YTHDC1: variants seen among roughly 807,000 people sequenced by gnomAD.
YTHDC1 encodes the protein YTH domain-containing protein 1.
A neutral mutation model predicts 107.0 loss-of-function variants in YTHDC1; 12 were observed. The observed-to-expected ratio is 0.11, with a 90% CI of 0.07 to 0.18. The LOEUF (loss-of-function observed/expected upper bound fraction) is 0.18. Ranked by LOEUF, YTHDC1 falls within the 10% of genes least tolerant of loss-of-function variation. YTHDC1 has a pLI of 1.00. For synonymous variants in YTHDC1, 280 were observed against 289.5 expected (o/e 0.97, Z 0.33); for missense variants, 635 against 898.8 (o/e 0.71, Z 3.75).
chr4:68,322,940 T>C lies in YTHDC1; in HGVS notation c.1435-25A>G. ...CCTAGAATAGGAAAGTAGCAATTTA[T>C]AAAACAAAAACAGACCCTTTCAACA... On this transcript the variant is annotated intron_variant, in intron 10 of 16. Transcript: ENST00000344157. This position sits in a 1 kb window ranked among gnomAD's most constrained non-coding sequence, Gnocchi z 4.8. The C allele has an allele frequency of 6.2e-7, 1 of 1,607,718 alleles. No individual in the cohort carries two copies. Among genetic ancestry groups the C allele is most frequent in the Non-Finnish European group, 8.5e-7 (1 of 1,175,712 alleles).
At chr4:68,333,642 G>A (rs567758245) in intron 4 of YTHDC1, among the ~76,000 whole-genome samples, 1 of 152,198 alleles carries the variant, frequency 6.6e-6, no homozygotes, top group Non-Finnish European at 1.5e-5. Context: ...TACAAAGTCA[G>A]GGCCTTAATT....
chr4:68,337,568 C>G lies in YTHDC1; in HGVS notation c.459+4G>C. ...TGTTTTATATCTGCAATAATATTTA[C>G]TACCTCAGAACCATCTGGCGTAGGA... On this transcript the variant is annotated splice_donor_region_variant and intron_variant, in intron 3 of 16. Coordinates refer to ENST00000344157, the MANE Select transcript of YTHDC1 (RefSeq NM_001031732.4). 6.3e-7 allele frequency: 1 copy of G among 1,593,202 alleles called. No homozygotes were observed. The highest frequency in any genetic ancestry group is 8.5e-7 in the Non-Finnish European group (1 of 1,173,974).
chr4:68,347,284 T>G (rs1475850524), intron 1 of YTHDC1, among the ~76,000 whole-genome samples: 3 of 152,238 alleles, frequency 2.0e-5, no homozygotes, highest in African/African-American at 7.2e-5. Flanking sequence ...TTAATACAAT[T>G]TATACAAGGT....
intron 1 of YTHDC1, among the ~76,000 whole-genome samples, chr4:68,345,190 A>G (rs1341510387): frequency 1.3e-5 from 2 of 152,282 alleles, no homozygotes; most frequent in East Asian, 3.9e-4. Context: ...ATTCTTGGCC[A>G]GGAAGGTCAC....
intron 4 of YTHDC1, among the ~76,000 whole-genome samples, chr4:68,336,252 T>C (rs947702475): frequency 2.0e-4 from 30 of 152,166 alleles, no homozygotes; most frequent in African/African-American, 7.0e-4. Flanking sequence ...CATCTTTACA[T>C]AAGACAGTCA....
At chr4:68,347,136 G>A (rs565554265) in intron 1 of YTHDC1, among the ~76,000 whole-genome samples, 13 of 152,068 alleles carry the variant, frequency 8.5e-5, no homozygotes, top group Non-Finnish European at 1.9e-4. Context: ...GATGTACTCC[G>A]GGCACTCAGG....
chr4:68,318,163 T>C (rs1443520829), intron 15 of YTHDC1, among the ~76,000 whole-genome samples: 1 of 152,208 alleles, frequency 6.6e-6, no homozygotes, highest in Admixed American at 6.5e-5. Flanking sequence ...AGTGGCGCAA[T>C]CTCGGCTCAC....
chr4:68,322,577 G>T lies in YTHDC1; in HGVS notation c.1601+172C>A, dbSNP rs1722551570. On this transcript the variant is annotated intron_variant, in intron 11 of 16. Transcript: ENST00000344157. This position sits in a 1 kb window ranked among gnomAD's most constrained non-coding sequence, Gnocchi z 4.8. ...CATTTTCCTCTTGAAAAATGACTGA[G>T]ACCAAGGTGACCATGTGAAATCCTC... 2.7e-6 allele frequency: 2 copies of T among 740,444 alleles called. No homozygotes were observed. The highest frequency in any genetic ancestry group is 4.2e-6 in the Non-Finnish European group (2 of 479,904). 45.9% of individuals were successfully genotyped at this position (740,444 alleles called of 1,614,324 possible). A position where few individuals can be genotyped will look rare whatever the true frequency, so the allele number is the denominator to read the frequency against.
In YTHDC1 at chr4:68,318,536, G is replaced by T. The variant is rs781715883; in HGVS notation, c.1807C>A (p.Pro603Thr). ...VREFHNMGPP[P>T]PWQGMPPYPG... ...ATACAAACCATTCCTTGCCAAGGTG[G>T]TGGTGGTCCCATGTTATGAAATTCC... Residue 603 changes from proline to threonine, a missense_variant, in exon 15 of 17, where the codon CCA becomes ACA. Transcript: ENST00000344157. 6.2e-7 allele frequency: 1 copy of T among 1,612,520 alleles called. No individual in the cohort carries two copies. Among genetic ancestry groups the T allele is most frequent in the Middle Eastern group, 1.7e-4 (1 of 5,868 alleles).
intron 1 of YTHDC1, among the ~76,000 whole-genome samples, chr4:68,343,192 A>G (rs1434343105): frequency 6.6e-6 from 1 of 151,786 alleles, no homozygotes; most frequent in Non-Finnish European, 1.5e-5. Context: ...ATTAAAAATC[A>G]CTTTTTTTTT....
In YTHDC1 at chr4:68,343,543, A is replaced by AT. The variant is rs1553907386; in HGVS notation, c.29-5160dup. ...AATCTTTAAAAAAAAAAAAAAAAAA[A>AT]TTTTTTTTTTTTTTGAGACAGTCTC... On this transcript the variant is annotated intron_variant, in intron 1 of 16. Coordinates refer to ENST00000344157, the MANE Select transcript of YTHDC1 (RefSeq NM_001031732.4). Among the ~76,000 whole-genome samples, 744 of 107,312 alleles carry AT rather than the reference A, an allele frequency of 6.9e-3. 12 individuals are homozygous for AT. Among genetic ancestry groups the AT allele is most frequent in the African/African-American group, 0.015 (397 of 25,718 alleles). The allele number at this position is 107,312 out of a possible 152,430, so 70.4% of individuals were successfully genotyped here. A position where few individuals can be genotyped will look rare whatever the true frequency, so the allele number is the denominator to read the frequency against.
intron 10 of YTHDC1, among the ~76,000 whole-genome samples, chr4:68,323,300 C>T (rs1303697478): frequency 1.3e-5 from 2 of 152,166 alleles, no homozygotes; most frequent in African/African-American, 4.8e-5. Flanking sequence ...TTATGATCTA[C>T]TAAGTGTATT....
intron 4 of YTHDC1, among the ~76,000 whole-genome samples, chr4:68,336,472 TTA>T (rs1156514580): frequency 1.3e-5 from 2 of 152,170 alleles, no homozygotes; most frequent in Non-Finnish European, 2.9e-5. Flanking sequence ...AGAATTTTAT[TTA>T]TAGTCTTCAT....
At position 68,337,865 on chromosome 4, in the gene YTHDC1, C is replaced by T. The variant is rs1021974425; in HGVS notation, c.166G>A (p.Asp56Asn). The change falls in exon 3 of 17, where the codon GAT (aspartate) becomes AAT (asparagine). Residue 56 changes from aspartate (D) to asparagine (N), a missense_variant. Physicochemically the swap from Asp to Asn is conservative, Grantham distance 23. Transcript: ENST00000344157. ...ACAGAAGGCTTTTGTCGTTTGGTAT[C>T]AGTAGATTCCATTCGATCACTTTTT... Reference protein sequence around the residue: ...KRKSDRMESTDTKRQKPSVHS... With the variant: ...KRKSDRMESTNTKRQKPSVHS... 1 of 1,612,760 alleles carries T rather than the reference C, an allele frequency of 6.2e-7. No individual in the cohort carries two copies. The highest frequency in any genetic ancestry group is 1.7e-5 in the Admixed American group (1 of 59,884).
intron 1 of YTHDC1, among the ~76,000 whole-genome samples, chr4:68,342,365 A>G (rs1055798500): frequency 6.6e-6 from 1 of 152,214 alleles, no homozygotes; most frequent in Non-Finnish European, 1.5e-5. Flanking sequence ...GAGTAGGCAG[A>G]TCTTTTACAT....
Position 68,310,607 on chromosome 4 carries a change from G to T in YTHDC1, c.*3492C>A, listed in dbSNP as rs1236134302. On this transcript the variant is annotated 3_prime_UTR_variant, in exon 17 of 17. Transcript: ENST00000344157. ...CTATTCCTACTATAAGGAACTTGGG[G>T]ACTAAACTTGAGCCAGTTCTTTCCT... 1 of 152,134 alleles carries T rather than the reference G, an allele frequency of 6.6e-6. No homozygotes were observed. The highest frequency in any genetic ancestry group is 1.5e-5 in the Non-Finnish European group (1 of 68,010). 9.4% of individuals were successfully genotyped at this position (152,134 alleles called of 1,614,324 possible). A position where few individuals can be genotyped will look rare whatever the true frequency, so the allele number is the denominator to read the frequency against.
chr4:68,348,408 T>C (rs1174604410), intron 1 of YTHDC1, among the ~76,000 whole-genome samples: 1 of 150,736 alleles, frequency 6.6e-6, no homozygotes, highest in Non-Finnish European at 1.5e-5. Flanking sequence ...AGTTAACTAA[T>C]TAAAAGCATT....
intron 16 of YTHDC1, chr4:68,315,748 A>G (rs1303010895): frequency 6.6e-6 from 1 of 152,182 alleles, no homozygotes; most frequent in African/African-American, 2.4e-5. Flanking sequence ...TTTCACATCA[A>G]TCTTATCAAA....
Position 68,337,875 on chromosome 4 carries a change from C to T in YTHDC1, c.156G>A (p.Met52Ile), listed in dbSNP as rs777692674. ...KKGSKRKSDR[M>I]ESTDTKRQKP... Reference sequence around the variant, plus strand: ...TTTGTCGTTTGGTATCAGTAGATTCCATTCGATCACTTTTTCTTTTTGATC... The same window carrying T: ...TTTGTCGTTTGGTATCAGTAGATTCTATTCGATCACTTTTTCTTTTTGATC... Residue 52 changes from methionine (M) to isoleucine (I), a missense_variant, in exon 3 of 17, where the codon ATG becomes ATA. Around this residue, in one of 5 missense-constraint regions of YTHDC1, gnomAD observed 294 missense variants for 312.3 expected, o/e 0.94. Transcript: ENST00000344157. 106 of 1,612,250 alleles carry T rather than the reference C, an allele frequency of 6.6e-5. 1 individual carries two copies. Among genetic ancestry groups the T allele is most frequent in the Non-Finnish European group, 3.6e-5 (42 of 1,179,838 alleles).
Sources: allele counts gnomAD v4.1 joint callset (sites outside exome capture counted in the v4.1 genomes callset), GRCh38; gene constraint gnomAD v4.1.1; regional missense constraint gnomAD v4.1.1; non-coding constraint Gnocchi (gnomAD v3.1); transcripts MANE v1.5; gene names NCBI Gene and HGNC (gene_info 2026-07-23, HGNC 2026-07-21).